The following ST8SIA6 variants were observed in gnomAD, a reference collection of about 807,000 sequenced individuals.
ST8SIA6 encodes ST8 alpha-N-acetyl-neuraminide alpha-2,8-sialyltransferase 6.
Under a neutral mutation model 33.6 loss-of-function variants are expected in ST8SIA6, and 39 were observed. The observed-to-expected ratio is 1.16, with a 90% CI of 0.90 to 1.52. ST8SIA6 has a LOEUF of 1.52. Among genes scored for constraint, ST8SIA6 ranks in the 40% most tolerant of loss-of-function variants. ST8SIA6 has a pLI of 0.00. For missense variants in ST8SIA6, 441 were observed against 443.8 expected (o/e 0.99, Z 0.06); for synonymous variants, 172 against 167.2 (o/e 1.03, Z -0.22).
intron 2 of ST8SIA6, among the ~76,000 whole-genome samples, chr10:17,431,283 G>C (rs1289300822): frequency 6.6e-6 from 1 of 152,144 alleles, no homozygotes; most frequent in Non-Finnish European, 1.5e-5. Context: ...GAGGGTAAGG[G>C]AAAGAAAGTC....
chr10:17,367,168 C>T (rs1056559288), intron 3 of ST8SIA6, among the ~76,000 whole-genome samples: 2 of 152,096 alleles, frequency 1.3e-5, no homozygotes, highest in Admixed American at 1.3e-4. Context: ...TTTCATACTG[C>T]TATGAAGAAA....
chr10:17,354,417 G>T (rs1049617999), intron 4 of ST8SIA6, among the ~76,000 whole-genome samples: 5 of 152,090 alleles, frequency 3.3e-5, no homozygotes, highest in Non-Finnish European at 5.9e-5. Flanking sequence ...GAGGGAAGGG[G>T]GTGGGGACCT....
Position 17,454,522 on chromosome 10 carries a change from G to T in ST8SIA6, c.-267C>A, listed in dbSNP as rs1429355502. The stretch of plus-strand genomic sequence containing the variant: ...GCGATCGGCTGGCAGATGACGATTC[G>T]CCGAGCTCGCCGCCTGTCCTCCCGG... On this transcript the variant is annotated 5_prime_UTR_variant, in exon 1 of 8. Coordinates refer to ENST00000377602, the MANE Select transcript of ST8SIA6 (RefSeq NM_001004470.3). The surrounding 1 kb of genome is among the most constrained non-coding windows in gnomAD (Gnocchi z 4.1). Among the ~76,000 whole-genome samples, 1 of 151,884 alleles carries T rather than the reference G, an allele frequency of 6.6e-6. No individual in the cohort carries two copies. Among genetic ancestry groups the T allele is most frequent in the African/African-American group, 2.4e-5 (1 of 41,416 alleles).
At chr10:17,442,575 G>C (rs1852538932) in intron 2 of ST8SIA6, among the ~76,000 whole-genome samples, 1 of 152,112 alleles carries the variant, frequency 6.6e-6, no homozygotes, top group Non-Finnish European at 1.5e-5. Flanking sequence ...ACAGAAGCGA[G>C]TGCTAGCATT....
chr10:17,372,878 C>T (rs1361265071), intron 3 of ST8SIA6, among the ~76,000 whole-genome samples: 3 of 152,168 alleles, frequency 2.0e-5, no homozygotes, highest in African/African-American at 7.2e-5. Flanking sequence ...CCTCTTTAGG[C>T]TGACAGGGAC....
chr10:17,327,158 ATACCGT>A (rs1480174392), intron 5 of ST8SIA6, 32 bp from the exon 6 acceptor site: 1 of 1,518,204 alleles, frequency 6.6e-7, no homozygotes, highest in South Asian at 1.2e-5. Context: ...CTACCATGAA[ATACCGT>A]TAATTTTAGA....
At chr10:17,363,779 C>G (rs183857957) in intron 3 of ST8SIA6, among the ~76,000 whole-genome samples, 1 of 152,120 alleles carries the variant, frequency 6.6e-6, no homozygotes. Flanking sequence ...CTGCTTCCCC[C>G]CTCCACCCAA....
intron 1 of ST8SIA6, 108 bp from the exon 2 acceptor site, chr10:17,453,765 G>A (rs143249700): frequency 8.1e-6 from 7 of 866,170 alleles, no homozygotes; most frequent in Middle Eastern, 2.5e-4. Flanking sequence ...GCACTCCCCG[G>A]CTCCCAGGCC....
intron 4 of ST8SIA6, among the ~76,000 whole-genome samples, chr10:17,337,612 G>A (rs781113995): frequency 5.9e-5 from 9 of 152,168 alleles, no homozygotes; most frequent in Non-Finnish European, 8.8e-5. Context: ...TCATCCATGT[G>A]CCAGAGAGTA....
At chr10:17,352,324 G>A (rs1480710862) in intron 4 of ST8SIA6, among the ~76,000 whole-genome samples, 1 of 152,090 alleles carries the variant, frequency 6.6e-6, no homozygotes, top group African/African-American at 2.4e-5. Flanking sequence ...TCATATATTT[G>A]AGTAGAGTGT....
intron 4 of ST8SIA6, among the ~76,000 whole-genome samples, chr10:17,334,551 A>AACTATT (rs1554785997): frequency 1.4e-5 from 2 of 142,774 alleles, no homozygotes; most frequent in East Asian, 2.0e-4. Flanking sequence ...AAAAAAAAAA[A>AACTATT]ATTATTATTA....
At chr10:17,338,579 AAAACCTACCTAGACTC>A (rs1848576672) in intron 4 of ST8SIA6, among the ~76,000 whole-genome samples, 1 of 152,198 alleles carries the variant, frequency 6.6e-6, no homozygotes, top group Non-Finnish European at 1.5e-5. Context: ...CGTCTTGCTA[AAAACCTACCTAGACTC>A]AATTCAAAGG....
At chr10:17,349,162 A>G (rs1848950438) in intron 4 of ST8SIA6, among the ~76,000 whole-genome samples, 1 of 152,248 alleles carries the variant, frequency 6.6e-6, no homozygotes, top group South Asian at 2.1e-4. Flanking sequence ...CCATCATGAA[A>G]AGACCAAAGA....
chr10:17,425,341 G>A (rs925506528), intron 2 of ST8SIA6, among the ~76,000 whole-genome samples: 3 of 152,042 alleles, frequency 2.0e-5, no homozygotes, highest in African/African-American at 7.2e-5. Flanking sequence ...GGCCGAGGAG[G>A]CTGAATCACC....
chr10:17,354,729 A>G lies in ST8SIA6; in HGVS notation c.377+4785T>C, dbSNP rs565062621. Among the ~76,000 whole-genome samples, 411 of 152,284 alleles carry G rather than the reference A, an allele frequency of 2.7e-3. 1 individual carries two copies. The highest frequency in any genetic ancestry group is 6.8e-3 in the Middle Eastern group (2 of 294). ...ATTGGATAGGCATCCTGGATAGGCA[A>G]TTGAATCCCAGAGTCTCAGGGCCAG... On this transcript the variant is annotated intron_variant, in intron 4 of 7. Coordinates refer to ENST00000377602, the MANE Select transcript of ST8SIA6 (RefSeq NM_001004470.3).
At chr10:17,408,284 T>C (rs1031524161) in intron 2 of ST8SIA6, 4 of 152,698 alleles carry the variant, frequency 2.6e-5, no homozygotes, top group African/African-American at 9.6e-5. Flanking sequence ...GTTATATACA[T>C]GCTTACGTGT....
intron 3 of ST8SIA6, among the ~76,000 whole-genome samples, chr10:17,362,882 T>C (rs987813947): frequency 6.6e-6 from 1 of 152,044 alleles, no homozygotes; most frequent in Non-Finnish European, 1.5e-5. Context: ...CGGCTAATTT[T>C]TGTATTTTTA....
intron 3 of ST8SIA6, among the ~76,000 whole-genome samples, 186 bp from the exon 4 acceptor site, chr10:17,359,786 T>C (rs1321194799): frequency 1.3e-5 from 2 of 152,134 alleles, no homozygotes; most frequent in Non-Finnish European, 2.9e-5. Flanking sequence ...GATTATTATG[T>C]TGGTTTAGGG....
chr10:17,386,557 TG>T (rs1564436614), intron 3 of ST8SIA6, among the ~76,000 whole-genome samples: 1 of 152,066 alleles, frequency 6.6e-6, no homozygotes, highest in Non-Finnish European at 1.5e-5. Flanking sequence ...AAGAAAAGCA[TG>T]TAGTTAACCT....
Sources: allele counts gnomAD v4.1 joint callset (sites outside exome capture counted in the v4.1 genomes callset), GRCh38; gene constraint gnomAD v4.1.1; non-coding constraint Gnocchi (gnomAD v3.1); transcripts MANE v1.5; gene names NCBI Gene and HGNC (gene_info 2026-07-23, HGNC 2026-07-21).